Variants in PBRM1 observed in about 807,000 individuals in gnomAD.
The protein encoded by PBRM1 is polybromo 1, also known as protein polybromo-1.
In PBRM1, 27 loss-of-function variants were observed where a neutral mutation model predicts 194.5. The ratio of observed to expected loss-of-function variants is 0.14; its 90% confidence interval spans 0.10 to 0.19. PBRM1 has a LOEUF of 0.19. PBRM1 is among the 10% of genes least tolerant of loss of function. The pLI, the probability that PBRM1 is intolerant of heterozygous loss-of-function variation, is 1.00. For missense variants in PBRM1, 1,466 were observed against 2,077.2 expected (o/e 0.71, Z 5.72); for synonymous variants, 655 against 693.2 (o/e 0.94, Z 0.87).
In PBRM1 at chr3:52,587,525, G is replaced by T; in HGVS notation, c.2966-15C>A. Reference sequence around the variant, plus strand: ...CCATTTTTCACCTCAAAAATGGGGGGTGGGGGAAGGGGAAGAGAAAGAGAA... The same window carrying T: ...CCATTTTTCACCTCAAAAATGGGGGTTGGGGGAAGGGGAAGAGAAAGAGAA... On this transcript the variant is annotated splice_polypyrimidine_tract_variant and intron_variant, in intron 18 of 29. Coordinates refer to ENST00000296302, the Ensembl canonical transcript of PBRM1. The T allele has an allele frequency of 6.4e-7, 1 of 1,566,510 alleles. No individual in the cohort carries two copies. The highest frequency in any genetic ancestry group is 8.7e-7 in the Non-Finnish European group (1 of 1,153,682).
intron 20 of PBRM1, among the ~76,000 whole-genome samples, chr3:52,585,195 T>C (rs2092177614): frequency 6.6e-6 from 1 of 152,182 alleles, no homozygotes; most frequent in Admixed American, 6.5e-5. Flanking sequence ...AGTTTTTTGT[T>C]TTTATTTTTC....
At chr3:52,644,615 C>T (rs2096235570) in intron 8 of PBRM1, 89 bp downstream of exon 9, 5 of 554,250 alleles carry the variant, frequency 9.0e-6, no homozygotes, top group Middle Eastern at 3.5e-4. Flanking sequence ...GATCTCTTGA[C>T]CTCGTGATCC....
intron 9 of PBRM1, 113 bp from the exon 11 acceptor site, chr3:52,642,158 A>G: frequency 1.5e-6 from 1 of 686,836 alleles, no homozygotes; most frequent in Non-Finnish European, 2.6e-6. Context: ...AATAATTTCT[A>G]TTCAATTGCC....
chr3:52,657,531 A>G (rs966930129), intron 5 of PBRM1, among the ~76,000 whole-genome samples: 1 of 150,734 alleles, frequency 6.6e-6, no homozygotes, highest in Admixed American at 6.6e-5. Flanking sequence ...GTGCAACGGC[A>G]TGATGTCAGC....
rs1307273753 is a variant in PBRM1 at position 52,566,491 on chromosome 3, T to C, written c.3692-2258A>G. 2.0e-5 allele frequency among the ~76,000 whole-genome samples: 3 copies of C among 152,134 alleles called. No individual in the cohort carries two copies. The East Asian group carries it at 5.8e-4, about 29-fold the overall frequency. On this transcript the variant is annotated intron_variant, in intron 22 of 29. Transcript: ENST00000296302. The stretch of plus-strand genomic sequence containing the variant: ...GGAATATACAGCCTTAGGAATAAAA[T>C]TCTGATATATGATACAACATGGATG...
chr3:52,640,460 AG>A (rs1686521766), intron 10 of PBRM1, among the ~76,000 whole-genome samples: 1 of 151,918 alleles, frequency 6.6e-6, no homozygotes, highest in African/African-American at 2.4e-5. Flanking sequence ...TTGTAGAGAC[AG>A]CGTTTTGCCA....
chr3:52,607,782 G>A (rs1219620594), intron 16 of PBRM1, among the ~76,000 whole-genome samples: 3 of 152,158 alleles, frequency 2.0e-5, no homozygotes, highest in Non-Finnish European at 4.4e-5. Context: ...AACTCCAAGA[G>A]TTTTTGACTG....
chr3:52,612,837 C>T (rs145511511), intron 15 of PBRM1, among the ~76,000 whole-genome samples: 5 of 147,954 alleles, frequency 3.4e-5, no homozygotes, highest in African/African-American at 1.2e-4. Flanking sequence ...ACCCAGGAGA[C>T]GGAGTCTGTA....
chr3:52,651,706 T>C (rs756710739), intron 6 of PBRM1, 36 bp downstream of exon 7: 1 of 1,326,912 alleles, frequency 7.5e-7, no homozygotes, highest in Non-Finnish European at 1.1e-6. Flanking sequence ...CAATCTGCTC[T>C]AAACCACAAT....
chr3:52,568,198 T>TC, intron 22 of PBRM1, among the ~76,000 whole-genome samples: 1 of 152,164 alleles, frequency 6.6e-6, no homozygotes, highest in East Asian at 1.9e-4. Context: ...AGGCTAGTCT[T>TC]CGACTCCTGA....
chr3:52,649,093 A>T (rs2096412718), intron 6 of PBRM1, among the ~76,000 whole-genome samples: 1 of 152,240 alleles, frequency 6.6e-6, no homozygotes, highest in Non-Finnish European at 1.5e-5. Context: ...ACTGAGCGAA[A>T]TGGAAGGTGG....
At chr3:52,643,188 C>A in intron 9 of PBRM1, 60 bp downstream of exon 10, 2 of 1,170,352 alleles carry the variant, frequency 1.7e-6, no homozygotes, top group Non-Finnish European at 2.6e-6. Context: ...TGGGCAAATA[C>A]TAGTATGCCT....
chr3:52,668,747 G>T, intron 2 of PBRM1, 102 bp from the exon 4 acceptor site: 4 of 405,562 alleles, frequency 9.9e-6, no homozygotes, highest in East Asian at 4.9e-5. Flanking sequence ...AAGTGACAGA[G>T]CATATTAGAA....
chr3:52,550,961 C>T (rs941991241), intron 27 of PBRM1, 144 bp from the exon 30 acceptor site: 5 of 584,184 alleles, frequency 8.6e-6, no homozygotes, highest in Non-Finnish European at 1.2e-5. Context: ...ATCTTAAGCA[C>T]CCCAATAGGA....
chr3:52,600,125 C>T (rs953573296), intron 17 of PBRM1, among the ~76,000 whole-genome samples: 2 of 152,070 alleles, frequency 1.3e-5, no homozygotes, highest in African/African-American at 4.8e-5. Context: ...TTTGGGGTAA[C>T]CATCCTTTCT....
At chr3:52,644,546 G>A (rs180980158) in intron 8 of PBRM1, among the ~76,000 whole-genome samples, 158 bp downstream of exon 9, 68 of 151,372 alleles carry the variant, frequency 4.5e-4, no homozygotes, top group Admixed American at 4.3e-3. Context: ...CACCACGCCC[G>A]GCTAATTTTT....
chr3:52,638,427 C>T (rs2153681123), intron 10 of PBRM1, among the ~76,000 whole-genome samples: 1 of 150,872 alleles, frequency 6.6e-6, no homozygotes, highest in South Asian at 2.1e-4. Flanking sequence ...GGCGTGATCT[C>T]AGCTCACTGC....
intron 29 of PBRM1, among the ~76,000 whole-genome samples, chr3:52,548,824 T>C (rs1374268208): frequency 6.6e-6 from 1 of 152,170 alleles, no homozygotes; most frequent in African/African-American, 2.4e-5. Flanking sequence ...AGGGAAAATA[T>C]ACCTTCTACT....
chr3:52,663,369 G>A (rs1039588120), intron 3 of PBRM1, among the ~76,000 whole-genome samples: 2 of 152,194 alleles, frequency 1.3e-5, no homozygotes, highest in Admixed American at 6.5e-5. Flanking sequence ...GAGCAAGGAC[G>A]ACTGCCCATC....
Sources: allele counts gnomAD v4.1 joint callset (sites outside exome capture counted in the v4.1 genomes callset), GRCh38; gene constraint gnomAD v4.1.1; transcripts MANE v1.5; gene names NCBI Gene and HGNC (gene_info 2026-07-23, HGNC 2026-07-21).